The following NEGR1 variants were observed in gnomAD, a reference collection of about 807,000 sequenced individuals.
NEGR1 encodes neuronal growth regulator 1, also known as IgLON family member 4.
Under a neutral mutation model 40.9 loss-of-function variants are expected in NEGR1, and 10 were observed. That is an observed-to-expected ratio of 0.24 (90% confidence interval 0.15 to 0.42). The LOEUF (loss-of-function observed/expected upper bound fraction) is 0.42, where lower values mean the gene tolerates loss of function less well. Among genes scored for constraint, NEGR1 ranks in the 10% least tolerant of loss-of-function variants. The probability of loss-of-function intolerance (pLI) is 1.00; values close to 1 mark genes in which losing one functional copy is unlikely to be tolerated. For synonymous variants in NEGR1, 185 were observed against 166.8 expected (o/e 1.11, Z -0.84); for missense variants, 352 against 438.9 (o/e 0.80, Z 1.77).
chr1:72,117,023 G>C (rs905377519), intron 1 of NEGR1, among the ~76,000 whole-genome samples: 1 of 151,728 alleles, frequency 6.6e-6, no homozygotes, highest in African/African-American at 2.4e-5. Flanking sequence ...GAAAGTTTAA[G>C]TAGTTTTCTG....
Position 72,126,360 on chromosome 1 carries a change from G to A in NEGR1, c.176+155959C>T, listed in dbSNP as rs78766935. Among the ~76,000 whole-genome samples the A allele has an allele frequency of 1.2e-3, 185 of 151,914 alleles. 10 individuals carry two copies. In the East Asian group the frequency reaches 0.03, roughly 25 times the overall value. On this transcript the variant is annotated intron_variant, in intron 1 of 6. Coordinates refer to ENST00000357731, the MANE Select transcript of NEGR1 (RefSeq NM_173808.3). ...TAAAAAGTTTTTAGTTTGCTATATC[G>A]AAGATGTAATGGAATCTAGATGGAT...
intron 6 of NEGR1, among the ~76,000 whole-genome samples, chr1:71,547,027 G>C (rs1647921843): frequency 6.6e-6 from 1 of 151,684 alleles, no homozygotes; most frequent in African/African-American, 2.4e-5. Flanking sequence ...TCTAATCACT[G>C]TTCAAGTTGC....
chr1:71,638,502 G>A (rs530745170), intron 4 of NEGR1, among the ~76,000 whole-genome samples: 4 of 152,016 alleles, frequency 2.6e-5, no homozygotes, highest in African/African-American at 2.4e-5. Context: ...TCTGTTTGAC[G>A]CTTGCTTCTT....
intron 2 of NEGR1, among the ~76,000 whole-genome samples, chr1:71,899,014 A>ATATG (rs1661070364): frequency 8.5e-6 from 1 of 117,808 alleles, no homozygotes; most frequent in African/African-American, 3.0e-5. Flanking sequence ...ATATATATAT[A>ATATG]TGGCAACTAA....
intron 4 of NEGR1, among the ~76,000 whole-genome samples, chr1:71,694,378 T>G (rs2101625415): frequency 6.6e-6 from 1 of 151,792 alleles, no homozygotes; most frequent in Non-Finnish European, 1.5e-5. Flanking sequence ...AAGGAAAAAG[T>G]TACGAATAAG....
At position 71,398,750 on chromosome 1, in the gene NEGR1, A is replaced by G. The variant is rs1646227705; in HGVS notation, c.*8696T>C. The stretch of plus-strand genomic sequence containing the variant: ...TGGGAGGGACCAGGGGTGGAATGAT[A>G]TGGTTTGGCTGTGTCCCCACCCAAG... On this transcript the variant is annotated 3_prime_UTR_variant, in exon 7 of 7. Transcript: ENST00000357731. 6.6e-6 allele frequency: 1 copy of G among 152,072 alleles called. No individual in the cohort carries two copies. The highest frequency in any genetic ancestry group is 2.4e-5 in the African/African-American group (1 of 41,400). The allele number at this position is 152,072 out of a possible 1,614,324, so 9.4% of individuals were successfully genotyped here.
intron 1 of NEGR1, among the ~76,000 whole-genome samples, chr1:72,228,154 G>C (rs991713756): frequency 3.9e-5 from 6 of 152,198 alleles, no homozygotes; most frequent in African/African-American, 1.4e-4. Flanking sequence ...TTGCCACAGG[G>C]TGCCCAGATA....
At chr1:71,558,575 T>C (rs533577283) in intron 6 of NEGR1, among the ~76,000 whole-genome samples, 5 of 151,664 alleles carry the variant, frequency 3.3e-5, no homozygotes, top group African/African-American at 1.2e-4. Context: ...TTTTATTCTT[T>C]CAGTTATAAT....
intron 5 of NEGR1, among the ~76,000 whole-genome samples, chr1:71,597,678 G>A (rs938453314): frequency 2.6e-5 from 4 of 151,772 alleles, no homozygotes; most frequent in East Asian, 1.9e-4. Context: ...AGGCTGAGGC[G>A]GGTGGATCAT....
At chr1:71,598,607 A>G (rs1406237933) in intron 5 of NEGR1, among the ~76,000 whole-genome samples, 5 of 152,186 alleles carry the variant, frequency 3.3e-5, no homozygotes, top group Non-Finnish European at 7.3e-5. Flanking sequence ...CACTCTCAGC[A>G]TCAATTACTG....
At chr1:71,964,368 G>T (rs1820421) in intron 1 of NEGR1, among the ~76,000 whole-genome samples, 4 of 151,826 alleles carry the variant, frequency 2.6e-5, no homozygotes, top group Non-Finnish European at 5.9e-5. Flanking sequence ...CCACTTTGGT[G>T]ATGTTCACTC....
intron 2 of NEGR1, among the ~76,000 whole-genome samples, chr1:71,809,486 G>A (rs911289985): frequency 4.6e-5 from 7 of 152,076 alleles, no homozygotes; most frequent in African/African-American, 1.7e-4. Context: ...AGGTATTGGG[G>A]TAATAAAAGT....
At chr1:71,859,137 G>A (rs1024366212) in intron 2 of NEGR1, among the ~76,000 whole-genome samples, 4 of 152,112 alleles carry the variant, frequency 2.6e-5, no homozygotes, top group African/African-American at 9.6e-5. Context: ...GGCCTGCAAG[G>A]CCCTGTATGA....
At chr1:72,025,782 G>C (rs1172952018) in intron 1 of NEGR1, among the ~76,000 whole-genome samples, 1 of 152,080 alleles carries the variant, frequency 6.6e-6, no homozygotes, top group Non-Finnish European at 1.5e-5. Flanking sequence ...CAAAAACTAC[G>C]TTGCAGTTCT....
intron 6 of NEGR1, among the ~76,000 whole-genome samples, chr1:71,490,715 A>T (rs1646920883): frequency 6.6e-6 from 1 of 151,996 alleles, no homozygotes. Flanking sequence ...AACGAAACAC[A>T]GAAGAAAAAA....
At chr1:72,135,645 T>C (rs930711149) in intron 1 of NEGR1, among the ~76,000 whole-genome samples, 4 of 152,090 alleles carry the variant, frequency 2.6e-5, no homozygotes, top group African/African-American at 7.2e-5. Context: ...GGGATTATGA[T>C]GCAGTTTCCA....
intron 1 of NEGR1, among the ~76,000 whole-genome samples, chr1:72,182,971 G>A (rs1481043746): frequency 2.0e-5 from 3 of 151,982 alleles, no homozygotes; most frequent in Non-Finnish European, 4.4e-5. Flanking sequence ...ACACATGCAA[G>A]GGTGACATGA....
intron 2 of NEGR1, among the ~76,000 whole-genome samples, chr1:71,848,686 G>T (rs1659501332): frequency 6.6e-6 from 1 of 152,138 alleles, no homozygotes; most frequent in African/African-American, 2.4e-5. Flanking sequence ...TGCTTTGATG[G>T]ACATACACAA....
chr1:71,421,404 A>AG (rs1321931503), intron 6 of NEGR1: 1 of 152,072 alleles, frequency 6.6e-6, no homozygotes, highest in Admixed American at 6.5e-5. Flanking sequence ...TTCAAGCTCG[A>AG]GGTCAGGGCT....
Sources: allele counts gnomAD v4.1 joint callset (sites outside exome capture counted in the v4.1 genomes callset), GRCh38; gene constraint gnomAD v4.1.1; transcripts MANE v1.5; gene names NCBI Gene and HGNC (gene_info 2026-07-23, HGNC 2026-07-21).